The following CD109 variants were observed in gnomAD, a reference collection of about 807,000 sequenced individuals.
CD109 encodes CD109 molecule.
In CD109, 149 loss-of-function variants were observed where a neutral mutation model predicts 165.8. The observed-to-expected ratio is 0.90, with a 90% CI of 0.79 to 1.03. The LOEUF is 1.03. Among genes scored for constraint, CD109 ranks in the 50% least tolerant of loss-of-function variants. CD109 has a pLI of 0.00. For missense variants in CD109, 1,712 were observed against 1,677.8 expected (o/e 1.02, Z -0.36); for synonymous variants, 585 against 592.1 (o/e 0.99, Z 0.18).
chr6:73,797,813 G>A (rs1026781084), intron 23 of CD109, among the ~76,000 whole-genome samples: 2 of 152,064 alleles, frequency 1.3e-5, no homozygotes, highest in African/African-American at 4.8e-5. Flanking sequence ...TGTCTTATCT[G>A]GCCCTTTATG....
In CD109 at chr6:73,823,622, C is replaced by CTT; in HGVS notation, c.4329_4330dup (p.Trp1444PhefsTer12). On this transcript the variant is annotated frameshift_variant, in exon 33 of 33. Coordinates refer to ENST00000287097, the MANE Select transcript of CD109 (RefSeq NM_133493.5). LOFTEE classifies it high-confidence loss of function. ...TTTCAAGCTTCTGTACTTTATGGAA[C>CTT]TTTGGCTGTGATTTATTTTTAAAGG... 1 of 1,606,674 alleles carries CTT rather than the reference C, an allele frequency of 6.2e-7. No individual in the cohort carries two copies. Among genetic ancestry groups the CTT allele is most frequent in the African/African-American group, 1.3e-5 (1 of 74,864 alleles).
chr6:73,679,791 T>G, the CD109 span, among the ~76,000 whole-genome samples: 4 of 152,086 alleles, frequency 2.6e-5, no homozygotes, highest in Non-Finnish European at 4.4e-5. Context: ...CGAGCCACCA[T>G]GCCCAGCTAA....
chr6:73,811,333 A>G (rs577564813), intron 28 of CD109, among the ~76,000 whole-genome samples, 186 bp downstream of exon 28: 2 of 152,262 alleles, frequency 1.3e-5, no homozygotes, highest in East Asian at 3.9e-4. Flanking sequence ...AACTTTGGAA[A>G]GATTGGTGGA....
At position 73,803,172 on chromosome 6, in the gene CD109, A is replaced by G. The variant is rs866587636; in HGVS notation, c.2879-48A>G. On this transcript the variant is annotated intron_variant, in intron 23 of 32. Transcript: ENST00000287097. The stretch of plus-strand genomic sequence containing the variant: ...AAGTCATAATTAGAAACTTTCATCC[A>G]TTGCAAGTTAATGATTACTTTGACT... 11 of 1,279,240 alleles carry G rather than the reference A, an allele frequency of 8.6e-6. No homozygotes were observed. The Middle Eastern group carries it at 1.7e-3, about 194-fold the overall frequency. The allele number at this position is 1,279,240 out of a possible 1,614,324, so 79.2% of individuals were successfully genotyped here.
At chr6:73,766,715 T>C (rs1267712941) in intron 11 of CD109, 44 bp from the exon 12 acceptor site, 1 of 1,355,296 alleles carries the variant, frequency 7.4e-7, no homozygotes, top group Non-Finnish European at 1.0e-6. Flanking sequence ...TCTCAAGGTG[T>C]TACTAAAGAT....
chr6:73,694,510 C>T (rs1232611208), upstream of CD109: 3 of 152,112 alleles, frequency 2.0e-5, no homozygotes, highest in East Asian at 5.8e-4. Flanking sequence ...TGTTTGCCTA[C>T]CTCTAGAATG....
At chr6:73,712,804 G>T (rs1771587612) in intron 2 of CD109, among the ~76,000 whole-genome samples, 1 of 152,166 alleles carries the variant, frequency 6.6e-6, no homozygotes, top group African/African-American at 2.4e-5. Context: ...TTTTCAGATT[G>T]ATTGTCTCTG....
intron 15 of CD109, among the ~76,000 whole-genome samples, chr6:73,779,929 A>G (rs1401645186): frequency 6.6e-6 from 1 of 151,304 alleles, no homozygotes; most frequent in Non-Finnish European, 1.5e-5. Context: ...GGATGTTGTC[A>G]TTTGCATTGC....
At chr6:73,759,526 T>G (rs148449625) in intron 7 of CD109, among the ~76,000 whole-genome samples, 92 of 152,312 alleles carry the variant, frequency 6.0e-4, no homozygotes, top group African/African-American at 2.0e-3. Flanking sequence ...AGTGATTAAC[T>G]TATCCCAAAT....
At chr6:73,738,226 G>A (rs1171916476) in intron 5 of CD109, among the ~76,000 whole-genome samples, 1 of 152,218 alleles carries the variant, frequency 6.6e-6, no homozygotes, top group East Asian at 1.9e-4. Flanking sequence ...TGCTCCTTCT[G>A]TCTCCCATGG....
intron 2 of CD109, among the ~76,000 whole-genome samples, chr6:73,716,121 A>G (rs763919980): frequency 1.3e-5 from 2 of 152,210 alleles, no homozygotes; most frequent in Non-Finnish European, 2.9e-5. Flanking sequence ...ATTCATTTTT[A>G]TGGCTGAGTA....
At chr6:73,719,081 A>G (rs955749704) in intron 2 of CD109, among the ~76,000 whole-genome samples, 1 of 152,248 alleles carries the variant, frequency 6.6e-6, no homozygotes, top group Non-Finnish European at 1.5e-5. Flanking sequence ...GCATTTAATC[A>G]CTATAAAATT....
intron 15 of CD109, among the ~76,000 whole-genome samples, chr6:73,773,660 G>T (rs927727782): frequency 2.6e-5 from 4 of 152,030 alleles, no homozygotes; most frequent in Non-Finnish European, 5.9e-5. Context: ...CTTCTAGTAT[G>T]CTCCTATTCC....
At chr6:73,795,359 C>T (rs1456021584) in intron 23 of CD109, among the ~76,000 whole-genome samples, 1 of 151,822 alleles carries the variant, frequency 6.6e-6, no homozygotes, top group Non-Finnish European at 1.5e-5. Flanking sequence ...AAAACTCATT[C>T]CTTAAAAATA....
intron 5 of CD109, among the ~76,000 whole-genome samples, chr6:73,754,531 A>G (rs1773311376): frequency 6.6e-6 from 1 of 152,140 alleles, no homozygotes; most frequent in Admixed American, 6.6e-5. Flanking sequence ...TCTAATGTAA[A>G]CTACTTATGT....
At chr6:73,698,591 G>A (rs759612856) in intron 2 of CD109, among the ~76,000 whole-genome samples, 10 of 152,138 alleles carry the variant, frequency 6.6e-5, no homozygotes, top group Non-Finnish European at 1.0e-4. Context: ...CTCTACAAGC[G>A]TAGAGAAATG....
chr6:73,763,806 CT>C (rs1305034720), intron 10 of CD109, 121 bp downstream of exon 10: 4 of 451,472 alleles, frequency 8.9e-6, no homozygotes. Flanking sequence ...AACTTTGTCT[CT>C]TTAGACATGT....
chr6:73,710,225 A>G (rs1015000171), intron 2 of CD109, among the ~76,000 whole-genome samples: 2 of 152,222 alleles, frequency 1.3e-5, no homozygotes, highest in African/African-American at 2.4e-5. Flanking sequence ...CCTTAAGCTG[A>G]TAAGCAACTT....
rs148071407 is a variant in CD109, at chr6:73,774,301, A to C, written c.1827+2720A>C. 1.1e-3 allele frequency among the ~76,000 whole-genome samples: 167 copies of C among 152,328 alleles called. 1 individual carries two copies. Among genetic ancestry groups the C allele is most frequent in the African/African-American group, 3.9e-3 (161 of 41,576 alleles). On this transcript the variant is annotated intron_variant, in intron 15 of 32. Coordinates refer to ENST00000287097, the MANE Select transcript of CD109 (RefSeq NM_133493.5). ...ATATCTATTGGTGAAGGCTGAGCAT[A>C]AGGTTCCAATCTGTGTAAGTCCTAT...
Sources: allele counts gnomAD v4.1 joint callset (sites outside exome capture counted in the v4.1 genomes callset), GRCh38; gene constraint gnomAD v4.1.1; transcripts MANE v1.5; gene names NCBI Gene and HGNC (gene_info 2026-07-23, HGNC 2026-07-21).